Variants in TCF7L1 observed in about 807,000 individuals in gnomAD.
The protein encoded by TCF7L1 is transcription factor 7 like 1.
Under a neutral mutation model 63.7 loss-of-function variants are expected in TCF7L1, and 18 were observed. That is an observed-to-expected ratio of 0.28 (90% CI 0.20 to 0.42). The LOEUF (loss-of-function observed/expected upper bound fraction) is 0.42, where lower values mean the gene tolerates loss of function less well. Ranked by LOEUF, TCF7L1 falls within the 10% of genes least tolerant of loss-of-function variation. TCF7L1 has a pLI of 1.00. For synonymous variants in TCF7L1, 355 were observed against 340.9 expected, an observed-to-expected ratio of 1.04 and a Z score of -0.46; for missense variants, 654 against 779.3, an observed-to-expected ratio of 0.84 and a Z score of 1.91.
chr2:85,135,529 T>G (rs1347332002), intron 3 of TCF7L1, among the ~76,000 whole-genome samples: 1 of 152,170 alleles, frequency 6.6e-6, no homozygotes, highest in African/African-American at 2.4e-5. Context: ...CAACACACTT[T>G]ATGCTAAGAC....
rs539234657 is a variant in TCF7L1 at position 85,209,425 on chromosome 2, A to G, written c.442-74070A>G. ...TAGGTGTTTCAGTGGCAGTGCCAGT[A>G]CTTGCTGGGAATCCTGCTGCTTTTC... On this transcript the variant is annotated intron_variant, in intron 3 of 11. Transcript: ENST00000282111. Among the ~76,000 whole-genome samples, 7 of 152,338 alleles carry G rather than the reference A, an allele frequency of 4.6e-5. No homozygotes were observed. In the East Asian group the frequency reaches 1.3e-3, roughly 29 times the overall value.
At chr2:85,285,273 G>A (rs1681519907) in intron 4 of TCF7L1, among the ~76,000 whole-genome samples, 2 of 152,082 alleles carry the variant, frequency 1.3e-5, no homozygotes, top group Admixed American at 1.3e-4. Flanking sequence ...TAAAAGCTTA[G>A]AGTCTAGCAG....
rs144668302 is a variant in TCF7L1 at position 85,305,478 on chromosome 2, A to C, written c.989+75A>C. On this transcript the variant is annotated intron_variant, in intron 8 of 11. Transcript: ENST00000282111. ...AGGGGTGGCCACACTCTGAGCAGCA[A>C]ATGTCATGTACTCTTCTCTCTTGGT... 989 of 1,507,796 alleles carry C rather than the reference A, an allele frequency of 6.6e-4. 4 individuals carry two copies. The African/African-American group carries it at 0.012, about 19-fold the overall frequency. 93.4% of individuals were successfully genotyped at this position (1,507,796 alleles called of 1,614,324 possible).
At chr2:85,168,284 G>T (rs1678467479) in intron 3 of TCF7L1, among the ~76,000 whole-genome samples, 2 of 152,004 alleles carry the variant, frequency 1.3e-5, no homozygotes. Context: ...CATGGTGATG[G>T]TATTATGGAT....
At chr2:85,222,880 A>C (rs1462729422) in intron 3 of TCF7L1, among the ~76,000 whole-genome samples, 1 of 152,130 alleles carries the variant, frequency 6.6e-6, no homozygotes, top group Non-Finnish European at 1.5e-5. Flanking sequence ...TAGAGATAAC[A>C]CACAGAAATA....
intron 3 of TCF7L1, among the ~76,000 whole-genome samples, chr2:85,261,824 T>C (rs533056338): frequency 6.6e-6 from 1 of 152,060 alleles, no homozygotes; most frequent in East Asian, 1.9e-4. Flanking sequence ...GAGGCCACAG[T>C]GAGCCATGTT....
At chr2:85,190,872 T>A (rs1199806277) in intron 3 of TCF7L1, among the ~76,000 whole-genome samples, 1 of 152,148 alleles carries the variant, frequency 6.6e-6, no homozygotes, top group Non-Finnish European at 1.5e-5. Context: ...ATGGACGCAA[T>A]ACCTGAGGCT....
At chr2:85,137,846 T>A (rs564300626) in intron 3 of TCF7L1, among the ~76,000 whole-genome samples, 14 of 151,172 alleles carry the variant, frequency 9.3e-5, no homozygotes, top group Non-Finnish European at 2.1e-4. Context: ...TGAGCTGAGA[T>A]TGTGCCACTT....
At chr2:85,175,589 G>T (rs972675053) in intron 3 of TCF7L1, among the ~76,000 whole-genome samples, 3 of 152,200 alleles carry the variant, frequency 2.0e-5, no homozygotes, top group African/African-American at 7.2e-5. Context: ...TTGTCCTCTT[G>T]TCAACTTGTG....
At chr2:85,258,314 C>T (rs1242766233) in intron 3 of TCF7L1, among the ~76,000 whole-genome samples, 3 of 152,150 alleles carry the variant, frequency 2.0e-5, no homozygotes, top group Non-Finnish European at 2.9e-5. Flanking sequence ...CAGGAATCCA[C>T]GGAGCTGAGG....
intron 8 of TCF7L1, 38 bp downstream of exon 8, chr2:85,305,441 C>T: frequency 1.3e-6 from 2 of 1,577,090 alleles, no homozygotes; most frequent in Non-Finnish European, 8.6e-7. Flanking sequence ...TGGGAGGGTG[C>T]AGGCTGTGGG....
At chr2:85,236,242 A>AG (rs1300498588) in intron 3 of TCF7L1, among the ~76,000 whole-genome samples, 1 of 152,182 alleles carries the variant, frequency 6.6e-6, no homozygotes, top group African/African-American at 2.4e-5. Context: ...TATTCACTCA[A>AG]GCCCGGTCTG....
chr2:85,269,831 C>T (rs1479867680), intron 3 of TCF7L1, among the ~76,000 whole-genome samples: 1 of 152,218 alleles, frequency 6.6e-6, no homozygotes, highest in African/African-American at 2.4e-5. Context: ...TGTGCACCCA[C>T]ATTTGCATAC....
rs1682110238 is a variant in TCF7L1, at chr2:85,306,505, G to A, written c.1203G>A (p.Lys401=). 6.2e-7 allele frequency: 1 copy of A among 1,614,176 alleles called. No homozygotes were observed. The highest frequency in any genetic ancestry group is 1.3e-5 in the African/African-American group (1 of 75,042). The change falls in exon 10 of 12, where the codon AAG becomes AAA. Residue 401 remains lysine (K), a synonymous_variant. Transcript: ENST00000282111. The surrounding 1 kb of genome is among the most constrained non-coding windows in gnomAD (Gnocchi z 4.3). ...CCAAGTACTACGAGCTGGCCCGGAA[G>A]GAGCGGCAGCTTCACTCGCAGCTCT... The part of the protein sequence containing the change: ...EQAKYYELAR[K]ERQLHSQLYP...
At chr2:85,294,326 A>G (rs539186410) in intron 4 of TCF7L1, among the ~76,000 whole-genome samples, 956 of 151,466 alleles carry the variant, frequency 6.3e-3, no homozygotes, top group South Asian at 9.6e-3. Context: ...GTGAGCCACC[A>G]CGCCTGGCCG....
intron 7 of TCF7L1, 150 bp downstream of exon 7, chr2:85,304,488 G>T (rs949665833): frequency 9.9e-6 from 7 of 704,456 alleles, no homozygotes; most frequent in South Asian, 5.7e-5. Context: ...CTCACGTCCC[G>T]CGCTCCCCAC....
rs143330043 is a variant in TCF7L1, at chr2:85,135,076, C to T, written c.441+626C>T. On this transcript the variant is annotated intron_variant, in intron 3 of 11. Coordinates refer to ENST00000282111, the MANE Select transcript of TCF7L1 (RefSeq NM_031283.3). ...TCCCCCTTTTGTCGCCTGCTTTTCT[C>T]ATTTAAAGCGAGCGCTGCGACACTT... is the stretch of plus-strand genomic sequence containing the variant. Among the ~76,000 whole-genome samples, 741 of 152,312 alleles carry T rather than the reference C, an allele frequency of 4.9e-3. 13 individuals are homozygous for T. Among genetic ancestry groups the T allele is most frequent in the South Asian group, 0.049 (234 of 4,822 alleles).
At chr2:85,290,277 G>A (rs921396909) in intron 4 of TCF7L1, among the ~76,000 whole-genome samples, 6 of 152,050 alleles carry the variant, frequency 3.9e-5, no homozygotes, top group Non-Finnish European at 7.4e-5. Context: ...CACCTCACCC[G>A]GCCCCAGTTT....
chr2:85,163,985 G>T (rs189137655), intron 3 of TCF7L1, among the ~76,000 whole-genome samples: 212 of 152,296 alleles, frequency 1.4e-3, no homozygotes, highest in African/African-American at 4.8e-3. Flanking sequence ...CACCGTCTGA[G>T]ATGTACTGGG....
Sources: allele counts gnomAD v4.1 joint callset (sites outside exome capture counted in the v4.1 genomes callset), GRCh38; gene constraint gnomAD v4.1.1; non-coding constraint Gnocchi (gnomAD v3.1); transcripts MANE v1.5; gene names NCBI Gene and HGNC (gene_info 2026-07-23, HGNC 2026-07-21).